GZMM: variants seen among roughly 807,000 people sequenced by gnomAD.
GZMM encodes HU-Met-1.
In GZMM, 23 loss-of-function variants were observed where a neutral mutation model predicts 19.2. That is an observed-to-expected ratio of 1.20 (90% CI 0.86 to 1.69). The LOEUF (loss-of-function observed/expected upper bound fraction) is 1.69. GZMM is among the 40% of genes most tolerant of loss of function. The pLI is 0.00. For missense variants in GZMM, 373 were observed against 352.2 expected, an observed-to-expected ratio of 1.06 and a Z score of -0.47; for synonymous variants, 178 against 160.2, an observed-to-expected ratio of 1.11 and a Z score of -0.84.
chr19:544,104 G>C lies in GZMM; in HGVS notation c.33G>C (p.Leu11=). MEACVSSLLV[L]ALGALSVGSS... ...CCTGCGTGTCTTCACTGCTGGTGCT[G>C]GCCCTGGGGGCCCTGTCAGTAGGTG... Residue 11 remains leucine (L), a synonymous_variant, in exon 1 of 5, where the codon CTG becomes CTC. Coordinates refer to ENST00000264553, the MANE Select transcript of GZMM (RefSeq NM_005317.4). The C allele has an allele frequency of 6.4e-7, 1 of 1,550,814 alleles. No individual in the cohort carries two copies. The highest frequency in any genetic ancestry group is 1.4e-5 in the African/African-American group (1 of 73,184).
intron 3 of GZMM, 59 bp from the exon 4 acceptor site, chr19:548,863 C>G: frequency 1.2e-6 from 1 of 806,036 alleles, no homozygotes; most frequent in East Asian, 2.9e-5. Context: ...GCTGCCGCCC[C>G]CCGCCCCCGC....
intron 1 of GZMM, among the ~76,000 whole-genome samples, chr19:545,771 G>A (rs1980255965): frequency 6.6e-6 from 1 of 151,976 alleles, no homozygotes; most frequent in South Asian, 2.1e-4. Context: ...AGCCTCCCAA[G>A]TAGCTGAGAT....
chr19:549,273 C>T (rs2145861568), intron 4 of GZMM, 88 bp downstream of exon 4: 8 of 1,287,470 alleles, frequency 6.2e-6, no homozygotes, highest in East Asian at 2.5e-5. Context: ...CTGGCTCTCC[C>T]GTTCTCTGGG....
chr19:544,169 GCT>G, intron 1 of GZMM, 43 bp downstream of exon 1: 1 of 1,501,980 alleles, frequency 6.7e-7, no homozygotes, highest in Non-Finnish European at 9.1e-7. Flanking sequence ...GAGGCCCAGC[GCT>G]CTCGGTGGGT....
rs373738078 is a variant in GZMM at position 549,195 on chromosome 19, G to A, written c.612+10G>A. 176 of 1,560,804 alleles carry A rather than the reference G, an allele frequency of 1.1e-4. No individual in the cohort carries two copies. The African/African-American group carries it at 1.6e-3, about 14-fold the overall frequency. On this transcript the variant is annotated intron_variant, in intron 4 of 4. Transcript: ENST00000264553. ...CCAGGCTCCCTGCAAGGTGAGGGGCGCCCGGGTGGGGCTGGGGGAATGAGG... is the reference window on the plus strand; with the variant it reads ...CCAGGCTCCCTGCAAGGTGAGGGGCACCCGGGTGGGGCTGGGGGAATGAGG...
At chr19:547,221 C>T (rs935250038) in intron 1 of GZMM, 59 bp from the exon 2 acceptor site, 32 of 1,410,678 alleles carry the variant, frequency 2.3e-5, no homozygotes, top group East Asian at 5.4e-5. Context: ...CAAGGACAGT[C>T]GCAGCAGGCA....
Position 547,263 on chromosome 19 carries a change from G to C in GZMM, c.56-17G>C. 1 of 1,493,462 alleles carries C rather than the reference G, an allele frequency of 6.7e-7. No homozygotes were observed. Among genetic ancestry groups the C allele is most frequent in the Non-Finnish European group, 8.9e-7 (1 of 1,119,516 alleles). 92.5% of individuals were successfully genotyped at this position (1,493,462 alleles called of 1,614,324 possible). On this transcript the variant is annotated splice_polypyrimidine_tract_variant and intron_variant, in intron 1 of 4. Coordinates refer to ENST00000264553, the MANE Select transcript of GZMM (RefSeq NM_005317.4). The stretch of plus-strand genomic sequence containing the variant: ...GCATGTAGCCCCAACCTGGCTCTTT[G>C]TCCCCCATCCTGGCAGGCAGCTCCT...
intron 1 of GZMM, among the ~76,000 whole-genome samples, chr19:546,540 CA>C (rs35147201): frequency 1.4e-3 from 153 of 106,770 alleles, no homozygotes; most frequent in Middle Eastern, 6.3e-3. Flanking sequence ...GACTCCATCT[CA>C]AAAAAAAAAA....
chr19:545,633 C>T (rs1475290047), intron 1 of GZMM, among the ~76,000 whole-genome samples: 5 of 151,544 alleles, frequency 3.3e-5, no homozygotes, highest in Non-Finnish European at 7.4e-5. Context: ...AGGCGTGAGC[C>T]ACCGCGCCCG....
Position 549,865 on chromosome 19 carries a change from G to A in GZMM, c.*74G>A. The A allele has an allele frequency of 1.9e-6, 1 of 531,004 alleles. No homozygotes were observed. The highest frequency in any genetic ancestry group is 5.3e-5 in the East Asian group (1 of 18,820). 32.9% of individuals were successfully genotyped at this position (531,004 alleles called of 1,614,324 possible). On this transcript the variant is annotated 3_prime_UTR_variant, in exon 5 of 5. Coordinates refer to ENST00000264553, the MANE Select transcript of GZMM (RefSeq NM_005317.4). The stretch of plus-strand genomic sequence containing the variant: ...CCTCCAGGGGTGCAGTGGGGTGGGT[G>A]AGGACGGGTGGGAGGGACAGGGAGG...
chr19:545,969 G>A (rs1180436670), intron 1 of GZMM, among the ~76,000 whole-genome samples: 1 of 151,402 alleles, frequency 6.6e-6, no homozygotes, highest in Non-Finnish European at 1.5e-5. Context: ...TAGTACAGAC[G>A]GGGTTTTACC....
At chr19:547,862 G>A (rs1431681671) in intron 2 of GZMM, among the ~76,000 whole-genome samples, 1 of 152,186 alleles carries the variant, frequency 6.6e-6, no homozygotes, top group East Asian at 1.9e-4. Context: ...GAATCGACCT[G>A]GTTCCCGGGG....
At position 549,868 on chromosome 19, in the gene GZMM, GA is replaced by G; in HGVS notation, c.*78del. 7.6e-6 allele frequency: 4 copies of G among 525,414 alleles called. No individual in the cohort carries two copies. Among genetic ancestry groups the G allele is most frequent in the Non-Finnish European group, 1.1e-5 (3 of 281,512 alleles). The allele number at this position is 525,414 out of a possible 1,614,324, so 32.5% of individuals were successfully genotyped here. On this transcript the variant is annotated 3_prime_UTR_variant, in exon 5 of 5. Coordinates refer to ENST00000264553, the MANE Select transcript of GZMM (RefSeq NM_005317.4). Reference sequence around the variant, plus strand: ...CCAGGGGTGCAGTGGGGTGGGTGAGGACGGGTGGGAGGGACAGGGAGGGACC... The same window carrying G: ...CCAGGGGTGCAGTGGGGTGGGTGAGGCGGGTGGGAGGGACAGGGAGGGACC...
intron 4 of GZMM, 74 bp downstream of exon 4, chr19:549,259 G>T (rs1369834758): frequency 1.4e-6 from 2 of 1,417,612 alleles, no homozygotes; most frequent in Non-Finnish European, 1.9e-6. Context: ...CGCCGGGCAG[G>T]TTCCTGGCTC....
intron 1 of GZMM, among the ~76,000 whole-genome samples, chr19:544,957 T>TCCA (rs1312668379): frequency 2.9e-5 from 3 of 105,190 alleles, no homozygotes; most frequent in Admixed American, 8.9e-5. Context: ...CATCCCTCCT[T>TCCA]TCAACCTCCC....
chr19:548,914 A>C lies in GZMM; in HGVS notation c.349-8A>C, dbSNP rs1980399181. On this transcript the variant is annotated splice_polypyrimidine_tract_variant and splice_region_variant and intron_variant, in intron 3 of 4. Coordinates refer to ENST00000264553, the MANE Select transcript of GZMM (RefSeq NM_005317.4). The stretch of plus-strand genomic sequence containing the variant: ...CCCTGCTCACCTGCCCCTTCCTGTC[A>C]CTCGTAGCTGGACGGGAAAGTGAAG... 12 of 1,518,800 alleles carry C rather than the reference A, an allele frequency of 7.9e-6. No homozygotes were observed. The highest frequency in any genetic ancestry group is 9.7e-6 in the Non-Finnish European group (11 of 1,130,300). 94.1% of individuals were successfully genotyped at this position (1,518,800 alleles called of 1,614,324 possible).
Position 547,429 on chromosome 19 carries a change from G to A in GZMM, c.205G>A (p.Ala69Thr), listed in dbSNP as rs147907546. 1 of 1,457,810 alleles carries A rather than the reference G, an allele frequency of 6.9e-7. No individual in the cohort carries two copies. Among genetic ancestry groups the A allele is most frequent in the South Asian group, 1.4e-5 (1 of 70,614 alleles). 90.3% of individuals were successfully genotyped at this position (1,457,810 alleles called of 1,614,324 possible). The part of the protein sequence containing the change: ...KWVLTAAHCL[A>T]QRMAQLRLVL... ...GGTGCTGACGGCTGCCCACTGCCTG[G>A]CCCAGCGGTGAGTACCCTGCCCTGC... Residue 69 changes from alanine (A) to threonine (T), a missense_variant, in exon 2 of 5, where the codon GCC (alanine) becomes ACC (threonine). Transcript: ENST00000264553.
Position 549,813 on chromosome 19 carries a change from C to A in GZMM, c.*22C>A. On this transcript the variant is annotated 3_prime_UTR_variant, in exon 5 of 5. Transcript: ENST00000264553. ...CTGATGCCCTGGGGTGATGGGGACC[C>A]CCTCGCTGTCTCCACAGGACCCTTC... The A allele has an allele frequency of 6.2e-7, 1 of 1,601,286 alleles. No homozygotes were observed. Among genetic ancestry groups the A allele is most frequent in the Non-Finnish European group, 8.5e-7 (1 of 1,175,002 alleles).
intron 1 of GZMM, among the ~76,000 whole-genome samples, chr19:544,703 A>G (rs906843395): frequency 8.0e-6 from 1 of 124,400 alleles, no homozygotes; most frequent in African/African-American, 3.0e-5. Flanking sequence ...CCATGGGTCC[A>G]TCATCCCTCC....
Sources: gnomAD v4.1 joint callset for allele counts (sites outside exome capture counted in the v4.1 genomes callset) on GRCh38, gnomAD v4.1.1 for gene constraint, MANE v1.5 for transcripts, NCBI Gene and HGNC (gene_info 2026-07-23, HGNC 2026-07-21) for gene names.